The following CCDC40 variants were observed in gnomAD, a reference collection of about 807,000 sequenced individuals.
CCDC40 encodes the protein coiled-coil domain 40 molecular ruler complex subunit.
Under a neutral mutation model 124.5 loss-of-function variants are expected in CCDC40, and 104 were observed. The observed-to-expected ratio is 0.84, with a 90% CI of 0.71 to 0.98. The LOEUF (loss-of-function observed/expected upper bound fraction) is 0.98, where lower values mean the gene tolerates loss of function less well. Ranked by LOEUF, CCDC40 falls within the 50% of genes least tolerant of loss-of-function variation. The pLI is 0.00. For synonymous variants in CCDC40, 580 were observed against 602.9 expected (o/e 0.96, Z 0.56); for missense variants, 1,463 against 1,503.9 (o/e 0.97, Z 0.45).
In CCDC40 at chr17:80,081,755, A is replaced by G. The variant is rs1568706447; in HGVS notation, c.1772A>G (p.Gln591Arg). The change falls in exon 11 of 20, where the codon CAG (glutamine) becomes CGG (arginine). Residue 591 changes from glutamine to arginine, a missense_variant. Transcript: ENST00000397545. ...TTCAATACCTACAGGCTCACCCTGC[A>G]GGACACAGAGGATGCCCTCAGCCAG... ...SQFNTYRLTL[Q>R]DTEDALSQDQ... The G allele has an allele frequency of 6.2e-7, 1 of 1,613,912 alleles. No individual in the cohort carries two copies. The highest frequency in any genetic ancestry group is 1.1e-5 in the South Asian group (1 of 91,080).
intron 1 of CCDC40, 192 bp from the exon 2 acceptor site, chr17:80,037,931 G>T: frequency 5.5e-6 from 3 of 550,318 alleles, no homozygotes; most frequent in Non-Finnish European, 1.0e-5. Flanking sequence ...TTGCTTTTGT[G>T]GCATCTCCGC....
At chr17:80,063,619 C>T (rs759144591) in intron 9 of CCDC40, among the ~76,000 whole-genome samples, 35 of 152,170 alleles carry the variant, frequency 2.3e-4, no homozygotes, top group Non-Finnish European at 3.5e-4. Flanking sequence ...TACCCCCATA[C>T]AAAACTGTGA....
At chr17:80,045,951 A>C (rs2143600145) in intron 3 of CCDC40, among the ~76,000 whole-genome samples, 1 of 152,100 alleles carries the variant, frequency 6.6e-6, no homozygotes, top group East Asian at 1.9e-4. Flanking sequence ...ATTATCGCAA[A>C]ACAATTATGT....
chr17:80,082,342 A>G (rs58472103), intron 12 of CCDC40, among the ~76,000 whole-genome samples: 7 of 146,534 alleles, frequency 4.8e-5, no homozygotes, highest in African/African-American at 1.8e-4. Context: ...GGGAACCCCC[A>G]ATTGTGAGCT....
Position 80,055,188 on chromosome 17 carries a change from C to T in CCDC40, c.1160-3306C>T, listed in dbSNP as rs376007298. Reference sequence around the variant, plus strand: ...ATCAGGAATGAGATGAGGAGGCCTGCTAGCATAGCAGTTACCCCAGACTGT... The same window carrying T: ...ATCAGGAATGAGATGAGGAGGCCTGTTAGCATAGCAGTTACCCCAGACTGT... On this transcript the variant is annotated intron_variant, in intron 7 of 19. Transcript: ENST00000397545. Among the ~76,000 whole-genome samples, 5 of 152,184 alleles carry T rather than the reference C, an allele frequency of 3.3e-5. No individual in the cohort carries two copies. The South Asian group carries it at 1.0e-3, about 32-fold the overall frequency.
chr17:80,073,108 T>A (rs1309003996), intron 10 of CCDC40, among the ~76,000 whole-genome samples: 1 of 152,072 alleles, frequency 6.6e-6, no homozygotes, highest in Non-Finnish European at 1.5e-5. Context: ...GTTCAAGCAA[T>A]TCTCCTGCTT....
rs1469935603 is a variant in CCDC40, at chr17:80,039,907, A to C, written c.189A>C (p.Ala63=). ...AAGTCACAACCCAAGCGGAAGCTGC[A>C]ATTGAAGAGGGGGAGGTGGAGACAG... ...PEEVTTQAEA[A]IEEGEVETEG... The change falls in exon 3 of 20, where the codon GCA becomes GCC. Residue 63 remains alanine (A), a synonymous_variant. Coordinates refer to ENST00000397545, the MANE Select transcript of CCDC40 (RefSeq NM_017950.4). 2.5e-6 allele frequency: 4 copies of C among 1,613,602 alleles called. No individual in the cohort carries two copies. The highest frequency in any genetic ancestry group is 3.4e-6 in the Non-Finnish European group (4 of 1,179,832).
At chr17:80,062,813 A>G (rs1598506031) in intron 9 of CCDC40, among the ~76,000 whole-genome samples, 1 of 151,466 alleles carries the variant, frequency 6.6e-6, no homozygotes, top group Non-Finnish European at 1.5e-5. Context: ...CTGGTTGGGA[A>G]CTCCTGGCCT....
At chr17:80,042,758 G>A (rs547985617) in intron 3 of CCDC40, among the ~76,000 whole-genome samples, 104 of 152,210 alleles carry the variant, frequency 6.8e-4, no homozygotes, top group African/African-American at 2.5e-3. Flanking sequence ...AAAAGCATCA[G>A]TCTTTGACTG....
rs908535466 is a variant in CCDC40 at position 80,087,449 on chromosome 17, C to T, written c.2450-158C>T. Reference sequence around the variant, plus strand: ...CTCCTCTCCTCTGTCCTGGCAGGGACGAGATTCAGGCAGGAGCGCCAGGAA... The same window carrying T: ...CTCCTCTCCTCTGTCCTGGCAGGGATGAGATTCAGGCAGGAGCGCCAGGAA... On this transcript the variant is annotated intron_variant, in intron 14 of 19. Coordinates refer to ENST00000397545, the MANE Select transcript of CCDC40 (RefSeq NM_017950.4). The surrounding 1 kb of genome is among the most constrained non-coding windows in gnomAD (Gnocchi z 4.5). The T allele has an allele frequency of 3.9e-5, 27 of 696,932 alleles. No homozygotes were observed. The highest frequency in any genetic ancestry group is 2.2e-4 in the Admixed American group (11 of 49,284). The allele number at this position is 696,932 out of a possible 1,614,324, so 43.2% of individuals were successfully genotyped here. A position where few individuals can be genotyped will look rare whatever the true frequency, so the allele number is the denominator to read the frequency against.
At chr17:80,092,502 CAGA>C (rs1203969253) in intron 17 of CCDC40, among the ~76,000 whole-genome samples, 4 of 152,220 alleles carry the variant, frequency 2.6e-5, no homozygotes, top group African/African-American at 9.7e-5. Flanking sequence ...TTGGCTTTTC[CAGA>C]ATGTCACATA....
chr17:80,036,902 C>T (rs1472299468), intron 1 of CCDC40: 2 of 474,796 alleles, frequency 4.2e-6, no homozygotes, highest in Non-Finnish European at 7.3e-6. Context: ...CTCACTTCTC[C>T]CCTCCTGTCC....
intron 10 of CCDC40, among the ~76,000 whole-genome samples, chr17:80,073,976 G>C (rs2038253773): frequency 6.6e-6 from 1 of 152,100 alleles, no homozygotes; most frequent in South Asian, 2.1e-4. Context: ...GTGAGCCAAC[G>C]CTCCTGGCCG....
chr17:80,093,688 AT>A (rs111661090), intron 17 of CCDC40, among the ~76,000 whole-genome samples: 11 of 149,988 alleles, frequency 7.3e-5, no homozygotes, highest in Middle Eastern at 3.5e-3. Flanking sequence ...TAATTTTTGT[AT>A]TTTTGGTAGA....
At chr17:80,055,991 TATATATA>T (rs2037726453) in intron 7 of CCDC40, among the ~76,000 whole-genome samples, 1 of 12,098 alleles carries the variant, frequency 8.3e-5, no homozygotes, top group South Asian at 2.5e-3. Flanking sequence ...CATATATATA[TATATATA>T]TATATATATA....
At chr17:80,065,414 C>T in intron 9 of CCDC40, 71 bp from the exon 10 acceptor site, 1 of 1,600,434 alleles carries the variant, frequency 6.2e-7, no homozygotes, top group Non-Finnish European at 8.6e-7. Flanking sequence ...ATGTGAGGCT[C>T]TGGTGTTCTT....
At chr17:80,051,911 A>G (rs2037609022) in intron 7 of CCDC40, among the ~76,000 whole-genome samples, 1 of 152,072 alleles carries the variant, frequency 6.6e-6, no homozygotes, top group Non-Finnish European at 1.5e-5. Flanking sequence ...AGATCCAAAC[A>G]CTCTGGTGGA....
At chr17:80,071,707 T>G (rs1305649986) in intron 10 of CCDC40, among the ~76,000 whole-genome samples, 1 of 152,084 alleles carries the variant, frequency 6.6e-6, no homozygotes, top group African/African-American at 2.4e-5. Flanking sequence ...CAAACAGGCT[T>G]CGTGTGAGAT....
chr17:80,089,014 C>CTA lies in CCDC40; in HGVS notation c.2712-749_2712-748dup, dbSNP rs2038646359. Among the ~76,000 whole-genome samples the CTA allele has an allele frequency of 6.6e-5, 10 of 152,214 alleles. 1 individual carries two copies. Among genetic ancestry groups the CTA allele is most frequent in the Admixed American group, 6.5e-4 (10 of 15,290 alleles). ...TTATTAAAGTAACACACACCCAGCT[C>CTA]TAAACATTTTAAACTATACAATGCG... On this transcript the variant is annotated intron_variant, in intron 16 of 19. Transcript: ENST00000397545.
Sources: gnomAD v4.1 joint callset for allele counts (sites outside exome capture counted in the v4.1 genomes callset) on GRCh38, gnomAD v4.1.1 for gene constraint, Gnocchi (gnomAD v3.1) non-coding constraint, MANE v1.5 for transcripts, NCBI Gene and HGNC (gene_info 2026-07-23, HGNC 2026-07-21) for gene names.